Variants in SUCO observed in about 807,000 individuals in gnomAD.
SUCO encodes SUN domain-containing ossification factor.
In SUCO, 57 loss-of-function variants were observed where a neutral mutation model predicts 148.1. The ratio of observed to expected loss-of-function variants is 0.38; its 90% CI spans 0.31 to 0.48. SUCO has a LOEUF of 0.48. SUCO is among the 20% of genes least tolerant of loss of function. The pLI is 0.96. For missense variants in SUCO, 1,331 were observed against 1,468.2 expected, an observed-to-expected ratio of 0.91 and a Z score of 1.53; for synonymous variants, 470 against 502.7, an observed-to-expected ratio of 0.93 and a Z score of 0.87.
intron 10 of SUCO, among the ~76,000 whole-genome samples, 193 bp from the exon 11 acceptor site, chr1:172,575,325 C>G (rs1478512616): frequency 6.6e-6 from 1 of 151,870 alleles, no homozygotes; most frequent in East Asian, 1.9e-4. Context: ...TCAAGGCATT[C>G]TTTCCTGGTA....
At chr1:172,608,093 A>G (rs2149274693) in intron 22 of SUCO, 1 of 984,924 alleles carries the variant, frequency 1.0e-6, no homozygotes, top group Non-Finnish European at 1.2e-6. Flanking sequence ...AGAGTAATGA[A>G]ACCTTAGAAA....
In SUCO at chr1:172,594,707, G is replaced by A. The variant is rs114246227; in HGVS notation, c.2913+3636G>A. 8.7e-3 allele frequency among the ~76,000 whole-genome samples: 1,327 copies of A among 152,276 alleles called. 8 individuals carry two copies. Among genetic ancestry groups the A allele is most frequent in the Non-Finnish European group, 0.013 (879 of 68,026 alleles). Reference sequence around the variant, plus strand: ...GGAGTGCTTTACCTCCAGCTATGTGGTCAATTTTGGAATAATTTTGTGGTG... The same window carrying A: ...GGAGTGCTTTACCTCCAGCTATGTGATCAATTTTGGAATAATTTTGTGGTG... On this transcript the variant is annotated intron_variant, in intron 19 of 23. Transcript: ENST00000263688.
intron 11 of SUCO, among the ~76,000 whole-genome samples, chr1:172,576,469 T>C (rs543211463): frequency 2.0e-5 from 3 of 151,822 alleles, no homozygotes; most frequent in African/African-American, 7.2e-5. Context: ...AAATGCTAAA[T>C]TCTATTTTTA....
Position 172,608,802 on chromosome 1 carries a change from G to A in SUCO, c.3321G>A (p.Lys1107=). Residue 1107 remains lysine, a splice_region_variant and synonymous_variant, in exon 23 of 24, where the codon AAG becomes AAA. Transcript: ENST00000263688. ...VEPLKFSPEK[K]KKRCKYKIEK... is the part of the protein sequence containing the mutation. The stretch of plus-strand genomic sequence containing the variant: ...CCCTCAAGTTTTCTCCAGAAAAGAA[G>A]GTAATTGTTTATTTCTTTTTAAGTT... The A allele has an allele frequency of 1.3e-6, 2 of 1,555,428 alleles. No homozygotes were observed. The highest frequency in any genetic ancestry group is 1.8e-6 in the Non-Finnish European group (2 of 1,134,920).
intron 13 of SUCO, 68 bp from the exon 14 acceptor site, chr1:172,578,230 T>G: frequency 8.4e-7 from 1 of 1,190,066 alleles, no homozygotes; most frequent in Non-Finnish European, 1.2e-6. Context: ...GTTTGTCATT[T>G]ATTGTGAAGA....
chr1:172,569,553 T>C, intron 7 of SUCO: 1 of 970,528 alleles, frequency 1.0e-6, no homozygotes, highest in Non-Finnish European at 1.2e-6. Context: ...AAAGAAAAGC[T>C]TGCTTATGTT....
rs765518027 is a variant in SUCO, at chr1:172,533,508, GCGA to G, written c.62+16_62+18del. The G allele has an allele frequency of 7.8e-6, 12 of 1,538,892 alleles. No individual in the cohort carries two copies. The highest frequency in any genetic ancestry group is 2.4e-5 in the East Asian group (1 of 41,578). On this transcript the variant is annotated intron_variant, in intron 1 of 23. Transcript: ENST00000263688. The stretch of plus-strand genomic sequence containing the variant: ...GTGCTCTCTGGTCTGGTGAGTAGCC[GCGA>G]CGACAAGGGAGTTCCCGTGAGGGGA...
chr1:172,577,683 T>A, intron 12 of SUCO, 81 bp from the exon 13 acceptor site: 2 of 1,574,424 alleles, frequency 1.3e-6, no homozygotes, highest in Non-Finnish European at 1.7e-6. Flanking sequence ...AGAAATGTTA[T>A]AATGAAAAAA....
chr1:172,602,394 C>G, intron 21 of SUCO, 176 bp downstream of exon 21: 1 of 982,714 alleles, frequency 1.0e-6, no homozygotes, highest in Non-Finnish European at 1.2e-6. Context: ...CCTAACCTGG[C>G]TCTGTAGACT....
At chr1:172,565,938 C>T (rs949854166) in intron 6 of SUCO, among the ~76,000 whole-genome samples, 3 of 152,182 alleles carry the variant, frequency 2.0e-5, no homozygotes, top group Non-Finnish European at 2.9e-5. Context: ...AGAGGGGACA[C>T]ACCCATCCAC....
chr1:172,582,477 C>T (rs1467396431), intron 15 of SUCO, among the ~76,000 whole-genome samples: 1 of 152,034 alleles, frequency 6.6e-6, no homozygotes, highest in East Asian at 1.9e-4. Context: ...ATATTAGGAG[C>T]ATTTTATTCC....
At chr1:172,558,645 A>ATGTT (rs1376339781) in intron 6 of SUCO, among the ~76,000 whole-genome samples, 1 of 152,160 alleles carries the variant, frequency 6.6e-6, no homozygotes, top group African/African-American at 2.4e-5. Flanking sequence ...TGTTTTGACG[A>ATGTT]TGTTTCTTAC....
upstream of SUCO, chr1:172,532,887 G>A: frequency 1.4e-6 from 2 of 1,472,270 alleles, no homozygotes; most frequent in East Asian, 2.3e-5. Flanking sequence ...GACCTGGGGC[G>A]GGCGGAGCGG....
intron 1 of SUCO, among the ~76,000 whole-genome samples, chr1:172,543,928 C>T (rs1212654622): frequency 6.6e-6 from 1 of 152,080 alleles, no homozygotes; most frequent in Non-Finnish European, 1.5e-5. Flanking sequence ...TTTAATAAAA[C>T]ATTGTGATGG....
intron 2 of SUCO, chr1:172,552,504 C>A: frequency 3.3e-6 from 1 of 304,648 alleles, no homozygotes; most frequent in Non-Finnish European, 4.8e-6. Context: ...TGTGTGCACA[C>A]ATGTGGGTGT....
intron 19 of SUCO, among the ~76,000 whole-genome samples, chr1:172,595,001 C>G (rs1656985453): frequency 6.6e-6 from 1 of 152,194 alleles, no homozygotes; most frequent in Non-Finnish European, 1.5e-5. Context: ...GGATGGTTAG[C>G]TCTTCTTGTT....
intron 1 of SUCO, among the ~76,000 whole-genome samples, chr1:172,541,417 A>G (rs965265955): frequency 9.9e-5 from 15 of 152,214 alleles, no homozygotes; most frequent in African/African-American, 3.6e-4. Flanking sequence ...AGATTTTGGT[A>G]TCTTCGGATC....
At chr1:172,567,375 A>C (rs1240781924) in intron 6 of SUCO, among the ~76,000 whole-genome samples, 4 of 152,234 alleles carry the variant, frequency 2.6e-5, no homozygotes, top group Admixed American at 2.6e-4. Context: ...GAGGAAAAAA[A>C]GTCACAAGAT....
chr1:172,610,157 G>C lies in SUCO; in HGVS notation c.3663G>C (p.Gln1221His). 6.2e-7 allele frequency: 1 copy of C among 1,613,568 alleles called. No individual in the cohort carries two copies. The highest frequency in any genetic ancestry group is 8.5e-7 in the Non-Finnish European group (1 of 1,179,798). The part of the protein sequence containing the change: ...DQGKLIKTLI[Q>H]TKSGSLPSLH... ...GAAAATTGATAAAAACTCTAATACAGACTAAGTCGGGATCATTGCCGAGCC... is the reference window on the plus strand; with the variant it reads ...GAAAATTGATAAAAACTCTAATACACACTAAGTCGGGATCATTGCCGAGCC... The change falls in exon 24 of 24, where the codon CAG becomes CAC. Residue 1221 changes from glutamine (Q) to histidine (H), a missense_variant. By Grantham distance (24) the Gln-to-His change is conservative. Around this residue, in one of 3 missense-constraint regions of SUCO, gnomAD observed 334 missense variants for 352.3 expected, o/e 0.95. Transcript: ENST00000263688.
Sources: gnomAD v4.1 joint callset for allele counts (sites outside exome capture counted in the v4.1 genomes callset) on GRCh38, gnomAD v4.1.1 for gene constraint, gnomAD v4.1.1 regional missense constraint, MANE v1.5 for transcripts, NCBI Gene and HGNC (gene_info 2026-07-23, HGNC 2026-07-21) for gene names.